The following CSF3 variants were observed in gnomAD, a reference collection of about 807,000 sequenced individuals.
The protein encoded by CSF3 is granulocyte colony-stimulating factor.
A neutral mutation model predicts 20.2 loss-of-function variants in CSF3; 17 were observed. The ratio of observed to expected loss-of-function variants is 0.84; its 90% CI spans 0.58 to 1.26. The LOEUF is 1.26. Among genes scored for constraint, CSF3 ranks in the 50% most tolerant of loss-of-function variants. The probability of loss-of-function intolerance (pLI) is 0.00; values close to 1 mark genes in which losing one functional copy is unlikely to be tolerated. For synonymous variants in CSF3, 125 were observed against 115.3 expected (o/e 1.08, Z -0.54); for missense variants, 210 against 256.0 (o/e 0.82, Z 1.23).
In CSF3 at chr17:40,017,072, C is replaced by A; in HGVS notation, c.*113C>A. 1 of 1,040,918 alleles carries A rather than the reference C, an allele frequency of 9.6e-7. No homozygotes were observed. The highest frequency in any genetic ancestry group is 1.3e-6 in the Non-Finnish European group (1 of 752,416). 64.5% of individuals were successfully genotyped at this position (1,040,918 alleles called of 1,614,324 possible). The stretch of plus-strand genomic sequence containing the variant: ...CGGAGCCCCAGGCCTCTGTGTCCTT[C>A]CCTGCATTTCTGAGTTTCATTCTCC... On this transcript the variant is annotated 3_prime_UTR_variant, in exon 5 of 5. Coordinates refer to ENST00000394149, the MANE Select transcript of CSF3 (RefSeq NM_172219.3).
Position 40,016,930 on chromosome 17 carries a change from C to A in CSF3, c.586C>A (p.Arg196Ser), listed in dbSNP as rs1375440841. Reference sequence around the variant, plus strand: ...GCAGAGCTTCCTGGAGGTGTCGTACCGCGTTCTACGCCACCTTGCCCAGCC... The same window carrying A: ...GCAGAGCTTCCTGGAGGTGTCGTACAGCGTTCTACGCCACCTTGCCCAGCC... ...HLQSFLEVSYRVLRHLAQP is the reference protein window; with the variant it reads ...HLQSFLEVSYSVLRHLAQP The change falls in exon 5 of 5, where the codon CGC becomes AGC. Residue 196 changes from arginine to serine, a missense_variant. Transcript: ENST00000394149. The A allele has an allele frequency of 1.2e-6, 2 of 1,606,678 alleles. No homozygotes were observed.
rs954193254 is a variant in CSF3, at chr17:40,015,450, C to T, written c.-25C>T. 2 of 1,549,360 alleles carry T rather than the reference C, an allele frequency of 1.3e-6. No individual in the cohort carries two copies. The highest frequency in any genetic ancestry group is 2.7e-5 in the African/African-American group (2 of 72,920). ...GCTGGGCCCCAAAACAGCCCGGAGC[C>T]TGCAGCCCAGCCCCACCCAGACCCA... On this transcript the variant is annotated 5_prime_UTR_variant, in exon 1 of 5. Transcript: ENST00000394149.
intron 4 of CSF3, 76 bp from the exon 5 acceptor site, chr17:40,016,719 C>G: frequency 6.7e-7 from 1 of 1,487,422 alleles, no homozygotes; most frequent in African/African-American, 2.4e-5. Context: ...TCCATGCTGT[C>G]ACCCCCAGCA....
chr17:40,016,544 C>A lies in CSF3; in HGVS notation c.363C>A (p.Ala121=). The change falls in exon 4 of 5, where the codon GCC becomes GCA. Residue 121 remains alanine (A), a synonymous_variant. Transcript: ENST00000394149. ...GLFLYQGLLQ[A]LEGISPELGP... ...TCCTCTACCAGGGGCTCCTGCAGGC[C>A]CTGGAAGGGATCTCCCCCGAGTTGG... is the stretch of plus-strand genomic sequence containing the variant. 2 of 1,614,172 alleles carry A rather than the reference C, an allele frequency of 1.2e-6. No homozygotes were observed. The highest frequency in any genetic ancestry group is 1.1e-5 in the South Asian group (1 of 91,090).
chr17:40,015,918 C>A, intron 2 of CSF3, 73 bp downstream of exon 2: 1 of 1,512,390 alleles, frequency 6.6e-7, no homozygotes. Flanking sequence ...AACTGCAGGG[C>A]CAACATCCTC....
rs1224652881 is a variant in CSF3 at position 40,016,347 on chromosome 17, G to A, written c.303+7G>A. ...CAGCCAGGCCCTGCAGCTGGTGAGT[G>A]TCAGGAAAGGATAAGGCTAATGAGG... On this transcript the variant is annotated splice_region_variant and intron_variant, in intron 3 of 4. Transcript: ENST00000394149. 2 of 1,612,176 alleles carry A rather than the reference G, an allele frequency of 1.2e-6. No individual in the cohort carries two copies. Among genetic ancestry groups the A allele is most frequent in the Non-Finnish European group, 1.7e-6 (2 of 1,178,844 alleles).
In CSF3 at chr17:40,016,980, T is replaced by G. The variant is rs1467003611; in HGVS notation, c.*21T>G. 1 of 1,532,590 alleles carries G rather than the reference T, an allele frequency of 6.5e-7. No homozygotes were observed. The highest frequency in any genetic ancestry group is 2.2e-5 in the Admixed American group (1 of 46,388). The allele number at this position is 1,532,590 out of a possible 1,614,324, so 94.9% of individuals were successfully genotyped here. ...CCTGAGCCAAGCCCTCCCCATCCCATGTATTTATCTCTATTTAATATTTAT... is the reference window on the plus strand; with the variant it reads ...CCTGAGCCAAGCCCTCCCCATCCCAGGTATTTATCTCTATTTAATATTTAT... On this transcript the variant is annotated 3_prime_UTR_variant, in exon 5 of 5. Coordinates refer to ENST00000394149, the MANE Select transcript of CSF3 (RefSeq NM_172219.3).
In CSF3 at chr17:40,016,902, T is replaced by A. The variant is rs747305350; in HGVS notation, c.558T>A (p.His186Gln). ...CAGGAGGGGTCCTGGTTGCCTCCCA[T>A]CTGCAGAGCTTCCTGGAGGTGTCGT... ...RRAGGVLVAS[H>Q]LQSFLEVSYR... Residue 186 changes from histidine to glutamine, a missense_variant, in exon 5 of 5, where the codon CAT becomes CAA. His to Gln is a conservative substitution (Grantham distance 24). Coordinates refer to ENST00000394149, the MANE Select transcript of CSF3 (RefSeq NM_172219.3). 2 of 1,613,272 alleles carry A rather than the reference T, an allele frequency of 1.2e-6. No individual in the cohort carries two copies. The highest frequency in any genetic ancestry group is 2.2e-5 in the South Asian group (2 of 90,946).
Position 40,017,017 on chromosome 17 carries a change from C to T in CSF3, c.*58C>T, listed in dbSNP as rs929947323. The T allele has an allele frequency of 4.8e-6, 7 of 1,462,268 alleles. No individual in the cohort carries two copies. Among genetic ancestry groups the T allele is most frequent in the Admixed American group, 2.4e-5 (1 of 41,702 alleles). 90.6% of individuals were successfully genotyped at this position (1,462,268 alleles called of 1,614,324 possible). ...TATTTAATATTTATGTCTATTTAAG[C>T]CTCATATTTAAAGACAGGGAAGAGC... is the stretch of plus-strand genomic sequence containing the variant. On this transcript the variant is annotated 3_prime_UTR_variant, in exon 5 of 5. Transcript: ENST00000394149.
chr17:40,016,245 A>C lies in CSF3; in HGVS notation c.208A>C (p.Lys70Gln). The stretch of plus-strand genomic sequence containing the variant: ...CTTCCATCCCCAGTGTGCCACCTAC[A>C]AGCTGTGCCACCCCGAGGAGCTGGT... ...ALQEKLCATY[K>Q]LCHPEELVLL... Residue 70 changes from lysine to glutamine, a missense_variant, in exon 3 of 5, where the codon AAG (lysine) becomes CAG (glutamine). Lys to Gln is a moderately conservative substitution (Grantham distance 53). Transcript: ENST00000394149. The C allele has an allele frequency of 6.4e-7, 1 of 1,556,778 alleles. No homozygotes were observed.
At chr17:40,016,771 A>G in intron 4 of CSF3, 24 bp from the exon 5 acceptor site, 2 of 1,612,830 alleles carry the variant, frequency 1.2e-6, no homozygotes, top group Non-Finnish European at 1.7e-6. Context: ...GGGCCCAACC[A>G]CTGATCACAG....
At chr17:40,015,591 G>T in intron 1 of CSF3, 77 bp downstream of exon 1, 1 of 1,547,874 alleles carries the variant, frequency 6.5e-7, no homozygotes, top group South Asian at 1.2e-5. Context: ...AGGGGCTGGG[G>T]ATCCCCGTTC....
chr17:40,016,790 C>A lies in CSF3; in HGVS notation c.451-5C>A. 1 of 1,612,922 alleles carries A rather than the reference C, an allele frequency of 6.2e-7. No homozygotes were observed. Among genetic ancestry groups the A allele is most frequent in the Non-Finnish European group, 8.5e-7 (1 of 1,180,032 alleles). On this transcript the variant is annotated splice_region_variant and splice_polypyrimidine_tract_variant and intron_variant, in intron 4 of 4. Transcript: ENST00000394149. Reference sequence around the variant, plus strand: ...CCAACCACTGATCACAGCTTTCCCCCACAGATGGAAGAACTGGGAATGGCC... The same window carrying A: ...CCAACCACTGATCACAGCTTTCCCCAACAGATGGAAGAACTGGGAATGGCC...
At position 40,016,613 on chromosome 17, in the gene CSF3, C is replaced by T. The variant is rs748383311; in HGVS notation, c.432C>T (p.Ala144=). 5.0e-6 allele frequency: 8 copies of T among 1,614,158 alleles called. No individual in the cohort carries two copies. The Admixed American group carries it at 6.7e-5, about 13-fold the overall frequency. The change falls in exon 4 of 5, where the codon GCC becomes GCT. Residue 144 remains alanine, a synonymous_variant. Transcript: ENST00000394149. Reference sequence around the variant, plus strand: ...TGCAGCTGGACGTCGCCGACTTTGCCACCACCATCTGGCAGCAGGTGAGCC... The same window carrying T: ...TGCAGCTGGACGTCGCCGACTTTGCTACCACCATCTGGCAGCAGGTGAGCC... ...DTLQLDVADF[A]TTIWQQMEEL... is the part of the protein sequence containing the mutation.
rs539612730 is a variant in CSF3, at chr17:40,016,164, CG to C, written c.196-65del. Reference sequence around the variant, plus strand: ...GGAGGGAGGGGAAAGACCAGAGAGTCGGGGAGGACCCGGGAAGGAGCGGCGA... The same window carrying C: ...GGAGGGAGGGGAAAGACCAGAGAGTCGGGAGGACCCGGGAAGGAGCGGCGA... On this transcript the variant is annotated intron_variant, in intron 2 of 4. Transcript: ENST00000394149. 5.1e-4 allele frequency: 629 copies of C among 1,225,042 alleles called. 3 individuals are homozygous for C. In the African/African-American group the frequency reaches 8.5e-3, roughly 17 times the overall value. 75.9% of individuals were successfully genotyped at this position (1,225,042 alleles called of 1,614,324 possible). A position where few individuals can be genotyped will look rare whatever the true frequency, so the allele number is the denominator to read the frequency against.
chr17:40,016,916 T>G lies in CSF3; in HGVS notation c.572T>G (p.Leu191Arg), dbSNP rs781596455. The G allele has an allele frequency of 6.8e-6, 11 of 1,612,404 alleles. No homozygotes were observed. The highest frequency in any genetic ancestry group is 8.5e-7 in the Non-Finnish European group (1 of 1,179,304). ...GTTGCCTCCCATCTGCAGAGCTTCC[T>G]GGAGGTGTCGTACCGCGTTCTACGC... Reference protein sequence around the residue: ...VLVASHLQSFLEVSYRVLRHL... With the variant: ...VLVASHLQSFREVSYRVLRHL... The change falls in exon 5 of 5, where the codon CTG (leucine) becomes CGG (arginine). Residue 191 changes from leucine (L) to arginine (R), a missense_variant. Physicochemically the swap from Leu to Arg is moderately radical, Grantham distance 102. Transcript: ENST00000394149.
Position 40,016,277 on chromosome 17 carries a change from C to G in CSF3, c.240C>G (p.Leu80=). ...KLCHPEELVL[L]GHSLGIPWAP... Reference sequence around the variant, plus strand: ...GCCACCCCGAGGAGCTGGTGCTGCTCGGACACTCTCTGGGCATCCCCTGGG... The same window carrying G: ...GCCACCCCGAGGAGCTGGTGCTGCTGGGACACTCTCTGGGCATCCCCTGGG... The change falls in exon 3 of 5, where the codon CTC becomes CTG. Residue 80 remains leucine (L), a synonymous_variant. Coordinates refer to ENST00000394149, the MANE Select transcript of CSF3 (RefSeq NM_172219.3). 2 of 1,586,876 alleles carry G rather than the reference C, an allele frequency of 1.3e-6. No homozygotes were observed. Among genetic ancestry groups the G allele is most frequent in the East Asian group, 4.6e-5 (2 of 43,234 alleles).
At chr17:40,015,664 T>C in intron 1 of CSF3, 27 bp from the exon 2 acceptor site, 1 of 1,565,934 alleles carries the variant, frequency 6.4e-7, no homozygotes, top group South Asian at 1.2e-5. Flanking sequence ...GGGAACAGCA[T>C]GTCTCCTGAG....
chr17:40,015,829 C>T lies in CSF3; in HGVS notation c.179C>T (p.Ala60Val), dbSNP rs780723122. Residue 60 changes from alanine to valine, a missense_variant, in exon 2 of 5, where the codon GCG becomes GTG. Transcript: ENST00000394149. ...AGGAAGATCCAGGGCGATGGCGCAG[C>T]GCTCCAGGAGAAGCTGGTGAGTGAG... ...QVRKIQGDGA[A>V]LQEKLCATYK... The T allele has an allele frequency of 7.5e-6, 12 of 1,608,870 alleles. No individual in the cohort carries two copies. The highest frequency in any genetic ancestry group is 2.2e-5 in the South Asian group (2 of 90,576).
Sources: allele counts gnomAD v4.1 joint callset, GRCh38; gene constraint gnomAD v4.1.1; transcripts MANE v1.5; gene names NCBI Gene and HGNC (gene_info 2026-07-23, HGNC 2026-07-21).